The following C11orf65 variants were observed in gnomAD, a reference collection of about 807,000 sequenced individuals.
The protein encoded by C11orf65 is protein MFI.
Under a neutral mutation model 35.3 loss-of-function variants are expected in C11orf65, and 38 were observed. The ratio of observed to expected loss-of-function variants is 1.08; its 90% confidence interval spans 0.83 to 1.41. C11orf65 has a LOEUF of 1.41. Ranked by LOEUF, C11orf65 falls within the 40% of genes most tolerant of loss-of-function variation. The pLI is 0.00. For missense variants in C11orf65, 370 were observed against 367.1 expected, an observed-to-expected ratio of 1.01 and a Z score of -0.06; for synonymous variants, 105 against 114.4, an observed-to-expected ratio of 0.92 and a Z score of 0.53.
At chr11:108,339,809 T>C (rs1167062657) in intron 2 of C11orf65, among the ~76,000 whole-genome samples, 2 of 152,098 alleles carry the variant, frequency 1.3e-5, no homozygotes, top group African/African-American at 4.8e-5. Flanking sequence ...CAGAGTACAC[T>C]ACACTGCAAG....
chr11:108,381,885 G>A (rs760818803), downstream of C11orf65, among the ~76,000 whole-genome samples: 25 of 152,274 alleles, frequency 1.6e-4, no homozygotes, highest in Non-Finnish European at 2.6e-4. Flanking sequence ...AGAAGTGATG[G>A]TGTGTGGCCT....
intron 6 of C11orf65, among the ~76,000 whole-genome samples, chr11:108,323,467 A>G (rs1391030599): frequency 6.6e-6 from 1 of 152,118 alleles, no homozygotes; most frequent in Non-Finnish European, 1.5e-5. Flanking sequence ...AATAGAAGAA[A>G]TAAGATCTAG....
intron 2 of C11orf65, chr11:108,347,243 C>T (rs2137075681): frequency 7.1e-7 from 1 of 1,415,136 alleles, no homozygotes; most frequent in Admixed American, 1.7e-5. Context: ...GAGATGGAAT[C>T]AGTGATTTCA....
chr11:108,450,012 GC>G (rs2093324383), intron 2 of C11orf65, among the ~76,000 whole-genome samples: 1 of 151,894 alleles, frequency 6.6e-6, no homozygotes. Flanking sequence ...CATTTATGCA[GC>G]CAAAAAACAC....
chr11:108,354,727 C>A, intron 2 of C11orf65: 1 of 1,187,392 alleles, frequency 8.4e-7, no homozygotes, highest in African/African-American at 1.5e-5. Flanking sequence ...GCTCAGCATA[C>A]TACACATGAG....
intron 6 of C11orf65, among the ~76,000 whole-genome samples, chr11:108,316,892 C>T (rs1175832874): frequency 6.6e-6 from 1 of 151,880 alleles, no homozygotes; most frequent in Admixed American, 6.6e-5. Flanking sequence ...CGCCACTGCA[C>T]TCCAGCCTGG....
chr11:108,403,409 G>GTTTTTTTTTTTT (rs71047691), intron 6 of C11orf65, among the ~76,000 whole-genome samples: 10 of 67,306 alleles, frequency 1.5e-4, no homozygotes, highest in African/African-American at 2.5e-4. Flanking sequence ...TGTTTGAGAG[G>GTTTTTTTTTTTT]TTTTTTTTTT....
intron 2 of C11orf65, chr11:108,368,189 T>A (rs1157176514): frequency 1.5e-5 from 3 of 205,832 alleles, no homozygotes; most frequent in African/African-American, 6.9e-5. Flanking sequence ...AATTCACAGA[T>A]GACAGAATTA....
chr11:108,418,385 A>T (rs2138850469), intron 3 of C11orf65, among the ~76,000 whole-genome samples: 1 of 152,298 alleles, frequency 6.6e-6, no homozygotes, highest in East Asian at 1.9e-4. Flanking sequence ...ATAAGGGCTG[A>T]CAACAAAAAG....
chr11:108,396,268 T>C (rs1169211683), intron 6 of C11orf65, among the ~76,000 whole-genome samples: 1 of 151,718 alleles, frequency 6.6e-6, no homozygotes, highest in Non-Finnish European at 1.5e-5. Context: ...AATTTTTGTA[T>C]TTTTAGTAGA....
chr11:108,309,423 C>T (rs1053871006), intron 6 of C11orf65, among the ~76,000 whole-genome samples: 1 of 152,136 alleles, frequency 6.6e-6, no homozygotes, highest in African/African-American at 2.4e-5. Flanking sequence ...CACCCATTCT[C>T]CAAGGTCCAT....
At chr11:108,343,163 T>A (rs2136935021) in intron 2 of C11orf65, 4 of 1,595,530 alleles carry the variant, frequency 2.5e-6, no homozygotes, top group Non-Finnish European at 3.4e-6. Flanking sequence ...AGCTGAATGA[T>A]CATCAAATGC....
At chr11:108,330,673 G>T (rs1209639827), downstream of C11orf65, among the ~76,000 whole-genome samples, 1 of 152,174 alleles carries the variant, frequency 6.6e-6, no homozygotes, top group African/African-American at 2.4e-5. Context: ...AGTTTGTGTG[G>T]AGGTGATAGA....
At chr11:108,463,405 G>GT (rs1328007265) in intron 1 of C11orf65, among the ~76,000 whole-genome samples, 2 of 152,064 alleles carry the variant, frequency 1.3e-5, no homozygotes, top group Non-Finnish European at 1.5e-5. Context: ...GTAAATTGTT[G>GT]TTTTTTAAAT....
At chr11:108,406,012 C>A (rs563512923) in intron 5 of C11orf65, among the ~76,000 whole-genome samples, 1 of 152,124 alleles carries the variant, frequency 6.6e-6, no homozygotes, top group Admixed American at 6.6e-5. Flanking sequence ...TATTTTCCCC[C>A]TTCCAACTCA....
At chr11:108,331,126 A>C (rs1391315549), downstream of C11orf65, 20 of 1,049,746 alleles carry the variant, frequency 1.9e-5, no homozygotes, top group Non-Finnish European at 2.3e-5. Context: ...ACTTCTCAGG[A>C]ATCAAGATCA....
chr11:108,325,228 G>GT, intron 6 of C11orf65: 3 of 942,004 alleles, frequency 3.2e-6, no homozygotes, highest in Non-Finnish European at 4.8e-6. Flanking sequence ...ATATTATATC[G>GT]TAAGTTCCAG....
Position 108,347,314 on chromosome 11 carries a change from C to T in C11orf65, c.227-12022G>A, listed in dbSNP as rs2088551822. ...ACTTGGACTTGGTGATAGACATGTA[C>T]AGAATATCTTGATAAATGAGCAGTC... On this transcript the variant is annotated intron_variant, in intron 2 of 3. Coordinates refer to the C11orf65 transcript ENST00000524755. The T allele has an allele frequency of 1.2e-6, 2 of 1,611,516 alleles. No individual in the cohort carries two copies. The highest frequency in any genetic ancestry group is 8.5e-7 in the Non-Finnish European group (1 of 1,177,956).
Position 108,314,695 on chromosome 11 carries a change from G to A in C11orf65, c.641-5624C>T, listed in dbSNP as rs575945248. Among the ~76,000 whole-genome samples the A allele has an allele frequency of 2.0e-5, 3 of 152,108 alleles. No individual in the cohort carries two copies. The South Asian group carries it at 6.2e-4, about 32-fold the overall frequency. On this transcript the variant is annotated intron_variant, in intron 6 of 6. Coordinates refer to the C11orf65 transcript ENST00000525729. ...GGTAAAACTAAATTAGTAGTCAAAA[G>A]TTAACTACTAATAGTCTACTGTTGA... is the stretch of plus-strand genomic sequence containing the variant.
Sources: allele counts gnomAD v4.1 joint callset (sites outside exome capture counted in the v4.1 genomes callset), GRCh38; gene constraint gnomAD v4.1.1; transcripts MANE v1.5; gene names NCBI Gene and HGNC (gene_info 2026-07-23, HGNC 2026-07-21).